Variants in SYCP2L observed in about 807,000 individuals in gnomAD.
SYCP2L encodes synaptonemal complex protein 2 like.
A neutral mutation model predicts 125.8 loss-of-function variants in SYCP2L; 98 were observed. The observed-to-expected ratio is 0.78, with a 90% confidence interval of 0.66 to 0.92. The LOEUF (loss-of-function observed/expected upper bound fraction) is 0.92, where lower values mean the gene tolerates loss of function less well. Among genes scored for constraint, SYCP2L ranks in the 40% least tolerant of loss-of-function variants. SYCP2L has a pLI of 0.00. For synonymous variants in SYCP2L, 317 were observed against 325.4 expected (o/e 0.97, Z 0.28); for missense variants, 842 against 936.4 (o/e 0.90, Z 1.32).
intron 11 of SYCP2L, 53 bp downstream of exon 11, chr6:10,910,253 T>C: frequency 6.6e-7 from 1 of 1,522,448 alleles, no homozygotes; most frequent in East Asian, 2.3e-5. Context: ...AAATGTCTAA[T>C]ATTTTAAAAG....
chr6:10,910,851 T>C lies in SYCP2L; in HGVS notation c.900T>C (p.Ala300=). The change falls in exon 12 of 30, where the codon GCT becomes GCC. Residue 300 remains alanine (A), a synonymous_variant. Transcript: ENST00000283141. ...TGTATTCATTTCCGTGTATTGCTGC[T>C]TTTGCTGATGAGCATGAGGTATGTT... is the stretch of plus-strand genomic sequence containing the variant. ...RRVYSFPCIA[A]FADEHEMRKP... The C allele has an allele frequency of 6.2e-7, 1 of 1,614,128 alleles. No homozygotes were observed. Among genetic ancestry groups the C allele is most frequent in the Non-Finnish European group, 8.5e-7 (1 of 1,179,998 alleles).
At chr6:10,951,509 TA>T (rs1345605621) in intron 23 of SYCP2L, among the ~76,000 whole-genome samples, 1 of 152,214 alleles carries the variant, frequency 6.6e-6, no homozygotes, top group Non-Finnish European at 1.5e-5. Context: ...TAGTCACAAA[TA>T]AATATTTATT....
At position 10,888,693 on chromosome 6, in the gene SYCP2L, A is replaced by G. The variant is rs77430089; in HGVS notation, c.9+1558A>G. Among the ~76,000 whole-genome samples, 153 of 152,320 alleles carry G rather than the reference A, an allele frequency of 1.0e-3. 4 individuals carry two copies. In the East Asian group the frequency reaches 0.025, roughly 25 times the overall value. ...ATACGAATTGAACTGAAGGAGAGATAGGGCCGTGTCTATAGAGAAAAGAGG... is the reference window on the plus strand; with the variant it reads ...ATACGAATTGAACTGAAGGAGAGATGGGGCCGTGTCTATAGAGAAAAGAGG... On this transcript the variant is annotated intron_variant, in intron 1 of 29. Transcript: ENST00000283141.
intron 12 of SYCP2L, among the ~76,000 whole-genome samples, chr6:10,911,894 C>CTTTCTTTTTTTTGTTTTTTTTTTTTTTT (rs377600077): frequency 2.0e-5 from 1 of 50,020 alleles, no homozygotes; most frequent in Non-Finnish European, 3.7e-5. Flanking sequence ...GGAATAAAAG[C>CTTTCTTTTTTTTGTTTTTTTTTTTTTTT]TTTTTTTTTT....
chr6:10,952,302 C>A (rs1781425277), intron 23 of SYCP2L, among the ~76,000 whole-genome samples: 1 of 152,204 alleles, frequency 6.6e-6, no homozygotes, highest in Non-Finnish European at 1.5e-5. Flanking sequence ...TAAAGAACTT[C>A]ACGAGCACTG....
rs148383049 is a variant in SYCP2L at position 10,889,353 on chromosome 6, T to C, written c.10-2160T>C. On this transcript the variant is annotated intron_variant, in intron 1 of 29. Coordinates refer to ENST00000283141, the MANE Select transcript of SYCP2L (RefSeq NM_001040274.3). ...GTGATATTTCCATATGTGTATACAG[T>C]GTGTAATGATCAAATCAGGGTAATT... is the stretch of plus-strand genomic sequence containing the variant. 1.8e-3 allele frequency among the ~76,000 whole-genome samples: 270 copies of C among 152,356 alleles called. 1 individual carries two copies. The highest frequency in any genetic ancestry group is 6.0e-3 in the African/African-American group (249 of 41,572).
intron 15 of SYCP2L, 41 bp downstream of exon 15, chr6:10,924,682 A>G (rs757140829): frequency 1.2e-5 from 17 of 1,450,216 alleles, no homozygotes; most frequent in South Asian, 3.1e-5. Flanking sequence ...AAAATGTTTT[A>G]GTATGTTTCA....
chr6:10,920,689 A>G (rs574145804), intron 14 of SYCP2L, among the ~76,000 whole-genome samples: 1 of 149,874 alleles, frequency 6.7e-6, no homozygotes, highest in South Asian at 2.1e-4. Flanking sequence ...AGGTAAACCT[A>G]CACAGGTTTG....
At chr6:10,923,231 G>A (rs1391007864) in intron 14 of SYCP2L, among the ~76,000 whole-genome samples, 1 of 151,536 alleles carries the variant, frequency 6.6e-6, no homozygotes, top group African/African-American at 2.4e-5. Flanking sequence ...TCCTTCTTCC[G>A]ACTTACCTTG....
intron 21 of SYCP2L, among the ~76,000 whole-genome samples, chr6:10,939,987 A>T (rs558057236): frequency 3.3e-5 from 5 of 152,354 alleles, no homozygotes; most frequent in Admixed American, 3.3e-4. Flanking sequence ...AACTTCCACA[A>T]CTCAAAAGCA....
chr6:10,907,892 G>GTTTTTTTTTTCTTTTTTT (rs1780526954), intron 10 of SYCP2L, among the ~76,000 whole-genome samples: 1 of 91,922 alleles, frequency 1.1e-5, no homozygotes, highest in African/African-American at 4.1e-5. Context: ...ATACAGATAG[G>GTTTTTTTTTTCTTTTTTT]TTTTTTTTTT....
intron 23 of SYCP2L, among the ~76,000 whole-genome samples, chr6:10,953,870 G>T (rs548623646): frequency 1.3e-5 from 2 of 152,146 alleles, no homozygotes; most frequent in African/African-American, 4.8e-5. Flanking sequence ...GAAATTTAAG[G>T]TTAGATGGAT....
At chr6:10,906,680 C>T (rs1033362247) in intron 9 of SYCP2L, among the ~76,000 whole-genome samples, 1 of 151,688 alleles carries the variant, frequency 6.6e-6, no homozygotes, top group South Asian at 2.1e-4. Flanking sequence ...TCACTGCAGC[C>T]TCCGCCTCCC....
At chr6:10,918,111 T>C (rs1780721602) in intron 14 of SYCP2L, among the ~76,000 whole-genome samples, 1 of 147,146 alleles carries the variant, frequency 6.8e-6, no homozygotes, top group African/African-American at 2.5e-5. Flanking sequence ...GGCTGGAGAG[T>C]GGTGTGAACC....
At chr6:10,944,391 C>T (rs1035297293) in intron 23 of SYCP2L, among the ~76,000 whole-genome samples, 3 of 152,156 alleles carry the variant, frequency 2.0e-5, no homozygotes, top group Admixed American at 2.0e-4. Context: ...AGGAATTCTT[C>T]GTAATACATT....
At chr6:10,890,832 A>G (rs1254724008) in intron 1 of SYCP2L, among the ~76,000 whole-genome samples, 1 of 152,038 alleles carries the variant, frequency 6.6e-6, no homozygotes, top group Admixed American at 6.6e-5. Flanking sequence ...GTAAGCTTTT[A>G]GTTTATTTTG....
rs560996542 is a variant in SYCP2L, at chr6:10,954,719, C to T, written c.1955-397C>T. Among the ~76,000 whole-genome samples, 1 of 152,306 alleles carries T rather than the reference C, an allele frequency of 6.6e-6. No individual in the cohort carries two copies. Among genetic ancestry groups the T allele is most frequent in the East Asian group, 1.9e-4 (1 of 5,180 alleles). ...ATGTGCCCGTGTCACCAGCAGATGG[C>T]GCGCTCCGGGGTGTGAGCTGAAGCA... On this transcript the variant is annotated intron_variant, in intron 23 of 29. Coordinates refer to ENST00000283141, the MANE Select transcript of SYCP2L (RefSeq NM_001040274.3). This position sits in a 1 kb window ranked among gnomAD's most constrained non-coding sequence, Gnocchi z 4.8.
chr6:10,894,548 A>C (rs1335427323), intron 4 of SYCP2L, among the ~76,000 whole-genome samples: 1 of 152,190 alleles, frequency 6.6e-6, no homozygotes, highest in African/African-American at 2.4e-5. Flanking sequence ...CTTTATTAAC[A>C]AGATTAGACC....
intron 9 of SYCP2L, among the ~76,000 whole-genome samples, chr6:10,906,856 C>T (rs1780505576): frequency 6.6e-6 from 1 of 151,950 alleles, no homozygotes; most frequent in South Asian, 2.1e-4. Flanking sequence ...GCCTCGGCCT[C>T]CCAAAGTGCT....
Sources: gnomAD v4.1 joint callset for allele counts (sites outside exome capture counted in the v4.1 genomes callset) on GRCh38, gnomAD v4.1.1 for gene constraint, Gnocchi (gnomAD v3.1) non-coding constraint, MANE v1.5 for transcripts, NCBI Gene and HGNC (gene_info 2026-07-23, HGNC 2026-07-21) for gene names.